MAP2: variants seen among roughly 807,000 people sequenced by gnomAD.
The protein encoded by MAP2 is microtubule associated protein 2.
Under a neutral mutation model 137.6 loss-of-function variants are expected in MAP2, and 14 were observed. The ratio of observed to expected loss-of-function variants is 0.10; its 90% CI spans 0.07 to 0.16. The LOEUF (loss-of-function observed/expected upper bound fraction) is 0.16, where lower values mean the gene tolerates loss of function less well. Among genes scored for constraint, MAP2 ranks in the 10% least tolerant of loss-of-function variants. The probability of loss-of-function intolerance (pLI) is 1.00; values close to 1 mark genes in which losing one functional copy is unlikely to be tolerated. For synonymous variants in MAP2, 786 were observed against 782.3 expected, an observed-to-expected ratio of 1.00 and a Z score of -0.08; for missense variants, 2,088 against 2,191.5, an observed-to-expected ratio of 0.95 and a Z score of 0.94.
chr2:209,648,654 T>C (rs1194768080), intron 4 of MAP2, among the ~76,000 whole-genome samples: 4 of 147,846 alleles, frequency 2.7e-5, no homozygotes, highest in Admixed American at 1.3e-4. Flanking sequence ...CCAGGCATGT[T>C]GGCGGGCACC....
intron 4 of MAP2, among the ~76,000 whole-genome samples, chr2:209,632,256 A>G (rs1350751534): frequency 6.6e-6 from 1 of 152,168 alleles, no homozygotes; most frequent in Non-Finnish European, 1.5e-5. Flanking sequence ...ACTCATCTAC[A>G]TATCCAGTAT....
intron 1 of MAP2, among the ~76,000 whole-genome samples, chr2:209,431,397 A>G (rs555267979): frequency 3.3e-5 from 5 of 152,200 alleles, no homozygotes; most frequent in African/African-American, 9.6e-5. Flanking sequence ...TCTTTTTGTA[A>G]TTAGTTAATT....
intron 1 of MAP2, among the ~76,000 whole-genome samples, chr2:209,469,175 T>TTATC (rs1244736657): frequency 1.3e-5 from 2 of 152,218 alleles, no homozygotes; most frequent in African/African-American, 4.8e-5. Flanking sequence ...AGGAAACTCA[T>TTATC]TATCTCTTGA....
chr2:209,500,942 C>T (rs13030241), intron 1 of MAP2, among the ~76,000 whole-genome samples: 8,779 of 146,382 alleles, frequency 0.06, 290 homozygotes, highest in South Asian at 0.098. Context: ...GAGGCTGAGG[C>T]GGGAGGATCA....
chr2:209,483,793 T>G (rs1308676278), intron 1 of MAP2, among the ~76,000 whole-genome samples: 1 of 152,198 alleles, frequency 6.6e-6, no homozygotes, highest in Admixed American at 6.5e-5. Context: ...TGAGCATCTT[T>G]TGCCTTAAAG....
At position 209,594,345 on chromosome 2, in the gene MAP2, T is replaced by G. The variant is rs570681700; in HGVS notation, c.-107+14245T>G. On this transcript the variant is annotated intron_variant, in intron 3 of 15. Transcript: ENST00000682079. The stretch of plus-strand genomic sequence containing the variant: ...GAAGACGAAGGCTTCAAGGGTCAAA[T>G]GTAGTAGCAAGGGAGAAGAAGAAGG... 2.0e-5 allele frequency among the ~76,000 whole-genome samples: 3 copies of G among 152,194 alleles called. No homozygotes were observed. In the East Asian group the frequency reaches 5.8e-4, roughly 29 times the overall value.
In MAP2 at chr2:209,596,066, A is replaced by G. The variant is rs570807138; in HGVS notation, c.-107+15966A>G. Among the ~76,000 whole-genome samples, 268 of 152,160 alleles carry G rather than the reference A, an allele frequency of 1.8e-3. 1 individual carries two copies. The highest frequency in any genetic ancestry group is 6.1e-3 in the African/African-American group (253 of 41,510). ...ACATGTATACCTATGTAACAAACCT[A>G]CACGTTGTGCACATGTACCCTAGAA... On this transcript the variant is annotated intron_variant, in intron 3 of 15. Coordinates refer to ENST00000682079, the MANE Select transcript of MAP2 (RefSeq NM_001375505.1).
At chr2:209,511,969 T>C (rs941857278) in intron 2 of MAP2, among the ~76,000 whole-genome samples, 1 of 152,116 alleles carries the variant, frequency 6.6e-6, no homozygotes. Context: ...GTTGTGCTTC[T>C]TTTCTACCTG....
At chr2:209,725,163 G>GA (rs764419937) in intron 13 of MAP2, among the ~76,000 whole-genome samples, 3 of 151,888 alleles carry the variant, frequency 2.0e-5, no homozygotes, top group South Asian at 2.1e-4. Flanking sequence ...CCACACAGAA[G>GA]AAAAAAACCT....
chr2:209,608,884 T>G (rs1403191836), intron 3 of MAP2, among the ~76,000 whole-genome samples: 1 of 152,082 alleles, frequency 6.6e-6, no homozygotes, highest in East Asian at 1.9e-4. Context: ...AGTTTCATCT[T>G]TGCCCCTCAT....
intron 1 of MAP2, among the ~76,000 whole-genome samples, chr2:209,466,420 A>G (rs918760970): frequency 6.6e-6 from 1 of 152,148 alleles, no homozygotes; most frequent in African/African-American, 2.4e-5. Flanking sequence ...TGGTTTCCTT[A>G]TCTGTAAAAA....
chr2:209,614,893 C>T (rs1206689527), intron 3 of MAP2, among the ~76,000 whole-genome samples: 2 of 152,134 alleles, frequency 1.3e-5, no homozygotes, highest in East Asian at 1.9e-4. Flanking sequence ...TAAACTCTTC[C>T]GCAAGACTCC....
chr2:209,515,643 T>A (rs555951798), intron 2 of MAP2, among the ~76,000 whole-genome samples: 2 of 152,022 alleles, frequency 1.3e-5, no homozygotes, highest in African/African-American at 4.8e-5. Context: ...TCCCCTGACA[T>A]GTGGAGATTA....
intron 1 of MAP2, among the ~76,000 whole-genome samples, chr2:209,452,392 C>G (rs1473037562): frequency 6.6e-6 from 1 of 152,192 alleles, no homozygotes; most frequent in Non-Finnish European, 1.5e-5. Context: ...GAACTCTCCT[C>G]TTTCCTATTG....
At chr2:209,466,245 A>T (rs1704096419) in intron 1 of MAP2, among the ~76,000 whole-genome samples, 1 of 152,316 alleles carries the variant, frequency 6.6e-6, no homozygotes, top group Admixed American at 6.5e-5. Context: ...GATTTCTAGT[A>T]TTAGCTTTTG....
intron 5 of MAP2, among the ~76,000 whole-genome samples, chr2:209,664,986 A>G (rs2045638161): frequency 6.8e-6 from 1 of 146,052 alleles, no homozygotes; most frequent in African/African-American, 2.6e-5. Context: ...AAAAAAAAAA[A>G]AGAAGAAGAA....
intron 2 of MAP2, among the ~76,000 whole-genome samples, chr2:209,518,613 A>T (rs534976556): frequency 1.3e-5 from 2 of 151,806 alleles, no homozygotes; most frequent in South Asian, 4.2e-4. Flanking sequence ...CCCTACAAAT[A>T]TTTGTTGAAT....
chr2:209,434,831 C>CTATA (rs1420606059), intron 1 of MAP2, among the ~76,000 whole-genome samples: 13 of 110,432 alleles, frequency 1.2e-4, no homozygotes, highest in Non-Finnish European at 1.7e-4. Flanking sequence ...CTCTCTCTCT[C>CTATA]TCTATATATA....
intron 1 of MAP2, among the ~76,000 whole-genome samples, chr2:209,507,001 T>G (rs1272496102): frequency 6.6e-6 from 1 of 152,158 alleles, no homozygotes; most frequent in Non-Finnish European, 1.5e-5. Flanking sequence ...TCCGCCTTCA[T>G]ATGGCAGGCA....
Sources: allele counts gnomAD v4.1 joint callset (sites outside exome capture counted in the v4.1 genomes callset), GRCh38; gene constraint gnomAD v4.1.1; transcripts MANE v1.5; gene names NCBI Gene and HGNC (gene_info 2026-07-23, HGNC 2026-07-21).